Variants in FAHD1 observed in about 807,000 individuals in gnomAD.
FAHD1 encodes oxaloacetate tautomerase FAHD1, mitochondrial.
A neutral mutation model predicts 12.7 loss-of-function variants in FAHD1; 14 were observed. The observed-to-expected ratio is 1.10, with a 90% confidence interval of 0.73 to 1.72. The LOEUF (loss-of-function observed/expected upper bound fraction) is 1.72. Ranked by LOEUF, FAHD1 falls within the 40% of genes most tolerant of loss-of-function variation. The probability of loss-of-function intolerance (pLI) is 0.00; values close to 1 mark genes in which losing one functional copy is unlikely to be tolerated. For synonymous variants in FAHD1, 153 were observed against 124.9 expected (o/e 1.22, Z -1.50); for missense variants, 351 against 298.9 (o/e 1.17, Z -1.29).
At chr16:1,834,274 A>G in intron 1 of FAHD1, 6 of 1,605,614 alleles carry the variant, frequency 3.7e-6, no homozygotes, top group Non-Finnish European at 4.3e-6. Flanking sequence ...GTTTTTGTCC[A>G]GACAAGTTTC....
downstream of FAHD1, among the ~76,000 whole-genome samples, chr16:1,830,917 T>TACACACTCACACAC (rs1898609257): frequency 8.7e-6 from 1 of 114,776 alleles, no homozygotes; most frequent in South Asian, 2.5e-4. Context: ...TCTCTCTCTA[T>TACACACTCACACAC]ACACACACAC....
chr16:1,834,253 G>GT (rs1567270425), intron 1 of FAHD1: 1 of 1,542,182 alleles, frequency 6.5e-7, no homozygotes, highest in Admixed American at 1.7e-5. Context: ...ATGATAGACC[G>GT]TTTTAAACAT....
chr16:1,828,261 C>T (rs1898549479), exon 1 of FAHD1: 2 of 934,816 alleles, frequency 2.1e-6, no homozygotes, highest in African/African-American at 4.4e-5. Context: ...TGGGCAACAG[C>T]GAGACTCCGT....
chr16:1,835,472 G>T (rs1414181983), intron 1 of FAHD1, among the ~76,000 whole-genome samples: 1 of 151,834 alleles, frequency 6.6e-6, no homozygotes, highest in African/African-American at 2.4e-5. Flanking sequence ...AGAGTGGAAG[G>T]ACATATCAAC....
At position 1,827,892 on chromosome 16, in the gene FAHD1, G is replaced by A. The variant is rs757184553; in HGVS notation, c.654G>A (p.Lys218=). ...TCAGTATGACATTTAAAGTGGAAAA[G>A]CCAGAATATTGAGTTATTTCTTAAC... The change falls in exon 1 of 1, where the codon AAG becomes AAA. Residue 218 remains lysine, a synonymous_variant. Coordinates refer to ENST00000427358, the Ensembl canonical transcript of FAHD1. The A allele has an allele frequency of 8.7e-6, 14 of 1,612,758 alleles. No homozygotes were observed. The Admixed American group carries it at 1.3e-4, about 15-fold the overall frequency.
chr16:1,837,759 A>C (rs1405508540), intron 1 of FAHD1: 2 of 1,141,922 alleles, frequency 1.8e-6, no homozygotes. Flanking sequence ...ATATAGAATA[A>C]TATGGGACTA....
chr16:1,833,747 G>A (rs984063876), downstream of FAHD1, among the ~76,000 whole-genome samples: 2 of 151,730 alleles, frequency 1.3e-5, no homozygotes, highest in East Asian at 3.9e-4. Flanking sequence ...ATTTTTAGTA[G>A]AGATGGGGTT....
rs561554700 is a variant in FAHD1, at chr16:1,835,081, C to T, written c.628-2935C>T. Among the ~76,000 whole-genome samples, 39 of 152,078 alleles carry T rather than the reference C, an allele frequency of 2.6e-4. 1 individual carries two copies. In the South Asian group the frequency reaches 6.2e-3, roughly 24 times the overall value. On this transcript the variant is annotated intron_variant, in intron 1 of 2. Coordinates refer to the FAHD1 transcript ENST00000382666. ...ACCAGCCTGGCCAATAAAGTGAAAC[C>T]CTGTCTCTACTAAAAATATAAAAAT... is the stretch of plus-strand genomic sequence containing the variant.
downstream of FAHD1, among the ~76,000 whole-genome samples, chr16:1,831,674 ACTG>A (rs367865022): frequency 1.4e-4 from 21 of 152,252 alleles, no homozygotes; most frequent in African/African-American, 4.6e-4. Flanking sequence ...CAGGCCACTG[ACTG>A]CTACCAGCCC....
downstream of FAHD1, among the ~76,000 whole-genome samples, chr16:1,833,029 T>C (rs957121460): frequency 1.3e-5 from 2 of 152,106 alleles, no homozygotes; most frequent in Non-Finnish European, 2.9e-5. Context: ...ACTTTTTCCT[T>C]TTTTTTCAAT....
At chr16:1,827,581 C>T in exon 1 of FAHD1, 1 of 1,613,612 alleles carries the variant, frequency 6.2e-7, no homozygotes, top group South Asian at 1.1e-5. Context: ...GAAGGGGCTG[C>T]CCTGGACTCT....
intron 1 of FAHD1, chr16:1,834,148 C>T (rs1898675615): frequency 1.5e-6 from 1 of 650,796 alleles, no homozygotes; most frequent in East Asian, 2.8e-5. Context: ...AACATGTTCA[C>T]CACATGTAAA....
At chr16:1,836,899 G>A (rs1264774431) in intron 1 of FAHD1, among the ~76,000 whole-genome samples, 1 of 152,180 alleles carries the variant, frequency 6.6e-6, no homozygotes, top group African/African-American at 2.4e-5. Context: ...AGTATCAGTA[G>A]ATATAACCAC....
At chr16:1,827,499 C>T (rs1898508762) in exon 1 of FAHD1, 2 of 1,612,996 alleles carry the variant, frequency 1.2e-6, no homozygotes, top group Non-Finnish European at 1.7e-6. Flanking sequence ...AGGCTGCGGC[C>T]ATGGACTACG....
chr16:1,829,272 G>A (rs1290270647), downstream of FAHD1, among the ~76,000 whole-genome samples: 1 of 152,150 alleles, frequency 6.6e-6, no homozygotes, highest in Admixed American at 6.5e-5. Flanking sequence ...GAGTAGTAAC[G>A]GTCCCCATGT....
downstream of FAHD1, among the ~76,000 whole-genome samples, chr16:1,829,875 C>G (rs11644998): frequency 2.7e-5 from 4 of 149,854 alleles, no homozygotes; most frequent in Non-Finnish European, 3.0e-5. Flanking sequence ...TTTCTTTTTT[C>G]TTTTTGAGAT....
chr16:1,831,785 C>A (rs1400504375), downstream of FAHD1, among the ~76,000 whole-genome samples: 2 of 152,176 alleles, frequency 1.3e-5, no homozygotes, highest in African/African-American at 2.4e-5. Flanking sequence ...GAGATTCTCA[C>A]AGGAGCGTGA....
At chr16:1,829,053 C>A, downstream of FAHD1, 1 of 424,978 alleles carries the variant, frequency 2.4e-6, no homozygotes, top group Non-Finnish European at 3.2e-6. Flanking sequence ...AACTGTACTT[C>A]CCAACCGGAG....
At chr16:1,833,835 A>G (rs1898669182), downstream of FAHD1, among the ~76,000 whole-genome samples, 2 of 152,182 alleles carry the variant, frequency 1.3e-5, no homozygotes, top group African/African-American at 4.8e-5. Flanking sequence ...GGCATGAGCC[A>G]CCGTGCCCAG....
Sources: gnomAD v4.1 joint callset for allele counts (sites outside exome capture counted in the v4.1 genomes callset) on GRCh38, gnomAD v4.1.1 for gene constraint, MANE v1.5 for transcripts, NCBI Gene and HGNC (gene_info 2026-07-23, HGNC 2026-07-21) for gene names.